CTNND2: variants seen among roughly 807,000 people sequenced by gnomAD.
CTNND2 encodes catenin delta-2.
Under a neutral mutation model 144.4 loss-of-function variants are expected in CTNND2, and 22 were observed. That is an observed-to-expected ratio of 0.15 (90% CI 0.11 to 0.22). The LOEUF (loss-of-function observed/expected upper bound fraction) is 0.22, where lower values mean the gene tolerates loss of function less well. CTNND2 is among the 10% of genes least tolerant of loss of function. The pLI is 1.00. For missense variants in CTNND2, 1,353 were observed against 1,618.8 expected, an observed-to-expected ratio of 0.84 and a Z score of 2.82; for synonymous variants, 751 against 695.6, an observed-to-expected ratio of 1.08 and a Z score of -1.25.
chr5:11,780,170 G>C (rs1430534943), intron 1 of CTNND2, among the ~76,000 whole-genome samples: 3 of 152,064 alleles, frequency 2.0e-5, no homozygotes, highest in Non-Finnish European at 4.4e-5. Flanking sequence ...ACCGCCTCTG[G>C]GATCTTCAAG....
chr5:11,671,254 A>C (rs1278659925), intron 2 of CTNND2, among the ~76,000 whole-genome samples: 1 of 151,964 alleles, frequency 6.6e-6, no homozygotes, highest in Non-Finnish European at 1.5e-5. Flanking sequence ...ATTATGTGTC[A>C]TGGGGTTGCT....
In CTNND2 at chr5:11,069,791, T is replaced by C. The variant is rs1748054086; in HGVS notation, c.2788+12905A>G. Reference sequence around the variant, plus strand: ...TAGTATACGGAGTATAGAGAAATCTTTGGAATCTACAGGTGCTCAACTTCT... The same window carrying C: ...TAGTATACGGAGTATAGAGAAATCTCTGGAATCTACAGGTGCTCAACTTCT... On this transcript the variant is annotated intron_variant, in intron 16 of 21. Transcript: ENST00000304623. Among the ~76,000 whole-genome samples, 6 of 152,150 alleles carry C rather than the reference T, an allele frequency of 3.9e-5. No individual in the cohort carries two copies. The South Asian group carries it at 1.2e-3, about 32-fold the overall frequency.
intron 9 of CTNND2, among the ~76,000 whole-genome samples, chr5:11,344,813 G>A (rs999119406): frequency 5.3e-5 from 8 of 151,992 alleles, no homozygotes; most frequent in African/African-American, 1.9e-4. Context: ...AAAAAAGGCT[G>A]TAAAAATGAC....
chr5:11,276,892 G>T (rs1321436900), intron 9 of CTNND2, among the ~76,000 whole-genome samples: 1 of 152,182 alleles, frequency 6.6e-6, no homozygotes, highest in Non-Finnish European at 1.5e-5. Context: ...GAAACTAAAA[G>T]AACCCAGAAA....
intron 1 of CTNND2, among the ~76,000 whole-genome samples, chr5:11,808,144 T>C (rs1792112312): frequency 6.6e-6 from 1 of 152,300 alleles, no homozygotes; most frequent in Admixed American, 6.5e-5. Flanking sequence ...GCCACTTCCT[T>C]CCCTGTCCTC....
chr5:11,244,054 A>G (rs983658815), intron 9 of CTNND2, among the ~76,000 whole-genome samples: 1 of 152,202 alleles, frequency 6.6e-6, no homozygotes, highest in African/African-American at 2.4e-5. Context: ...TAGAGTCAAG[A>G]GGAAGTAGGT....
At chr5:11,177,659 A>T (rs1236510872) in intron 11 of CTNND2, among the ~76,000 whole-genome samples, 1 of 152,142 alleles carries the variant, frequency 6.6e-6, no homozygotes, top group Non-Finnish European at 1.5e-5. Context: ...TTGTTCACAG[A>T]TAATTAGATC....
At position 11,284,586 on chromosome 5, in the gene CTNND2, C is replaced by T. The variant is rs566561457; in HGVS notation, c.1629-47763G>A. ...GCTTCACTCAAGTCCCTGCAAAGGACATGATCTTGTTCCTTTTTATGGCTG... is the reference window on the plus strand; with the variant it reads ...GCTTCACTCAAGTCCCTGCAAAGGATATGATCTTGTTCCTTTTTATGGCTG... On this transcript the variant is annotated intron_variant, in intron 9 of 21. Transcript: ENST00000304623. Among the ~76,000 whole-genome samples, 26 of 152,266 alleles carry T rather than the reference C, an allele frequency of 1.7e-4. No homozygotes were observed. The South Asian group carries it at 5.4e-3, about 32-fold the overall frequency.
At chr5:11,007,976 A>G (rs1310207642) in intron 18 of CTNND2, among the ~76,000 whole-genome samples, 1 of 152,214 alleles carries the variant, frequency 6.6e-6, no homozygotes, top group Non-Finnish European at 1.5e-5. Flanking sequence ...AGAAAAAGGC[A>G]TGCCCTCCCT....
At chr5:11,653,317 A>C (rs1244422078) in intron 2 of CTNND2, among the ~76,000 whole-genome samples, 3 of 151,988 alleles carry the variant, frequency 2.0e-5, no homozygotes, top group African/African-American at 7.2e-5. Context: ...GTTTTTTGAG[A>C]AAATGCCATG....
intron 9 of CTNND2, 63 bp from the exon 10 acceptor site, chr5:11,236,886 T>C (rs143745237): frequency 1.9e-6 from 3 of 1,557,284 alleles, no homozygotes. Flanking sequence ...TGTTAACACA[T>C]GGTTAGCTCG....
intron 20 of CTNND2, among the ~76,000 whole-genome samples, chr5:10,984,254 A>G (rs997504202): frequency 1.3e-5 from 2 of 152,198 alleles, no homozygotes; most frequent in African/African-American, 2.4e-5. Flanking sequence ...AACCTGGCAC[A>G]GCACCTGGCC....
At chr5:11,428,675 G>T (rs185477202) in intron 3 of CTNND2, among the ~76,000 whole-genome samples, 16 of 152,314 alleles carry the variant, frequency 1.1e-4, no homozygotes, top group Admixed American at 9.8e-4. Flanking sequence ...GTAAAGCGTA[G>T]GATTTCCTCT....
chr5:11,064,442 C>T (rs1747331503), intron 16 of CTNND2, among the ~76,000 whole-genome samples: 1 of 152,062 alleles, frequency 6.6e-6, no homozygotes, highest in Admixed American at 6.6e-5. Flanking sequence ...TGATTCCCAC[C>T]ATCCGGGAGG....
intron 3 of CTNND2, among the ~76,000 whole-genome samples, chr5:11,428,310 G>T (rs528533116): frequency 1.3e-5 from 2 of 152,240 alleles, no homozygotes; most frequent in Admixed American, 1.3e-4. Flanking sequence ...AGCCTTCAGT[G>T]GTTTTTTAAT....
At chr5:11,464,021 A>G (rs1251712868) in intron 3 of CTNND2, among the ~76,000 whole-genome samples, 1 of 152,216 alleles carries the variant, frequency 6.6e-6, no homozygotes, top group Non-Finnish European at 1.5e-5. Context: ...ATTGATGATG[A>G]ACTAGAACCA....
chr5:11,382,190 T>C (rs907793583), intron 7 of CTNND2, among the ~76,000 whole-genome samples: 5 of 152,178 alleles, frequency 3.3e-5, no homozygotes, highest in African/African-American at 1.2e-4. Context: ...CCATCTATCA[T>C]AAGTATTTTG....
intron 9 of CTNND2, among the ~76,000 whole-genome samples, chr5:11,291,398 G>C (rs1237972520): frequency 6.6e-6 from 1 of 151,792 alleles, no homozygotes; most frequent in Non-Finnish European, 1.5e-5. Context: ...CTATTCATTG[G>C]TCCCAAGTTT....
At chr5:11,051,557 T>G (rs2149582711) in intron 16 of CTNND2, among the ~76,000 whole-genome samples, 1 of 152,372 alleles carries the variant, frequency 6.6e-6, no homozygotes, top group Non-Finnish European at 1.5e-5. Context: ...TGTTTGAGAC[T>G]AATAAAGAAG....
Sources: gnomAD v4.1 joint callset for allele counts (sites outside exome capture counted in the v4.1 genomes callset) on GRCh38, gnomAD v4.1.1 for gene constraint, MANE v1.5 for transcripts, NCBI Gene and HGNC (gene_info 2026-07-23, HGNC 2026-07-21) for gene names.